The following SGCZ variants were observed in gnomAD, a reference collection of about 807,000 sequenced individuals.
SGCZ encodes the protein zeta-sarcoglycan.
Under a neutral mutation model 41.3 loss-of-function variants are expected in SGCZ, and 40 were observed. That is an observed-to-expected ratio of 0.97 (90% CI 0.75 to 1.26). SGCZ has a LOEUF of 1.26. Among genes scored for constraint, SGCZ ranks in the 50% most tolerant of loss-of-function variants. The probability of loss-of-function intolerance (pLI) is 0.00; values close to 1 mark genes in which losing one functional copy is unlikely to be tolerated. For missense variants in SGCZ, 552 were observed against 369.8 expected (o/e 1.49, Z -4.04); for synonymous variants, 206 against 137.5 (o/e 1.50, Z -3.49).
chr8:14,238,208 G>C (rs887153351), intron 3 of SGCZ, among the ~76,000 whole-genome samples: 1 of 152,140 alleles, frequency 6.6e-6, no homozygotes, highest in African/African-American at 2.4e-5. Flanking sequence ...GTCTATCTGG[G>C]ATTTTTTTGT....
chr8:14,612,049 G>A (rs976994333), intron 1 of SGCZ, among the ~76,000 whole-genome samples: 7 of 152,176 alleles, frequency 4.6e-5, no homozygotes, highest in Admixed American at 2.6e-4. Flanking sequence ...TTTAGCATTT[G>A]TCCTTCAAAT....
chr8:15,206,156 T>C (rs547581961), intron 1 of SGCZ, among the ~76,000 whole-genome samples: 18 of 152,068 alleles, frequency 1.2e-4, no homozygotes, highest in Non-Finnish European at 2.5e-4. Flanking sequence ...GCAACAAACC[T>C]TCATATGTAT....
intron 1 of SGCZ, among the ~76,000 whole-genome samples, chr8:14,972,911 T>C (rs1801349281): frequency 6.6e-6 from 1 of 152,224 alleles, no homozygotes; most frequent in Non-Finnish European, 1.5e-5. Flanking sequence ...TATGTATTTA[T>C]TTACACTTAT....
At chr8:14,519,936 C>G (rs1320615279) in intron 2 of SGCZ, among the ~76,000 whole-genome samples, 3 of 151,958 alleles carry the variant, frequency 2.0e-5, no homozygotes, top group African/African-American at 7.2e-5. Context: ...CCAACATAAA[C>G]CATGGTTTAA....
At chr8:15,167,319 A>G (rs746606136) in intron 1 of SGCZ, among the ~76,000 whole-genome samples, 1 of 152,250 alleles carries the variant, frequency 6.6e-6, no homozygotes, top group Non-Finnish European at 1.5e-5. Flanking sequence ...AGAGCCGAGA[A>G]AAGCCTCATG....
chr8:14,116,274 T>G lies in SGCZ; in HGVS notation c.548-8039A>C, dbSNP rs143252355. 5.3e-5 allele frequency among the ~76,000 whole-genome samples: 8 copies of G among 152,242 alleles called. No individual in the cohort carries two copies. In the East Asian group the frequency reaches 1.5e-3, roughly 29 times the overall value. The stretch of plus-strand genomic sequence containing the variant: ...TTATGAGCCTGAGCTGCATAGTTAA[T>G]CTACATAAACTGACATATGAAATTA... On this transcript the variant is annotated intron_variant, in intron 5 of 7. Transcript: ENST00000382080.
intron 1 of SGCZ, among the ~76,000 whole-genome samples, chr8:15,232,139 C>T (rs555300769): frequency 2.2e-3 from 329 of 152,244 alleles, no homozygotes; most frequent in African/African-American, 7.6e-3. Context: ...GGTCATTTTC[C>T]TTAGTAACTT....
chr8:14,669,202 T>TAC (rs1808015740), intron 1 of SGCZ, among the ~76,000 whole-genome samples: 1 of 148,882 alleles, frequency 6.7e-6, no homozygotes, highest in African/African-American at 2.5e-5. Context: ...CAAATATATA[T>TAC]ATATATATAG....
intron 1 of SGCZ, among the ~76,000 whole-genome samples, chr8:14,712,289 G>C (rs1034629247): frequency 6.6e-6 from 1 of 152,174 alleles, no homozygotes; most frequent in African/African-American, 2.4e-5. Flanking sequence ...GGCTGGCGCT[G>C]CCTGGTTGAT....
intron 1 of SGCZ, among the ~76,000 whole-genome samples, chr8:14,895,677 A>G (rs1306980205): frequency 6.6e-6 from 1 of 152,220 alleles, no homozygotes; most frequent in Non-Finnish European, 1.5e-5. Flanking sequence ...TTTAACTTCT[A>G]CTAAAATATT....
intron 1 of SGCZ, among the ~76,000 whole-genome samples, chr8:15,166,015 A>C (rs971513248): frequency 6.6e-6 from 1 of 152,192 alleles, no homozygotes; most frequent in Non-Finnish European, 1.5e-5. Context: ...AAAATAAATA[A>C]TTTATGGAAA....
chr8:15,042,085 G>C (rs1448511416), intron 1 of SGCZ, among the ~76,000 whole-genome samples: 4 of 152,240 alleles, frequency 2.6e-5, no homozygotes, highest in South Asian at 4.1e-4. Context: ...TGTGAGAAAA[G>C]TCATTTGTAT....
chr8:15,193,262 G>A (rs1339776004), intron 1 of SGCZ, among the ~76,000 whole-genome samples: 1 of 152,040 alleles, frequency 6.6e-6, no homozygotes, highest in Non-Finnish European at 1.5e-5. Flanking sequence ...TCAAAAATAT[G>A]GAAAGTTGCT....
intron 1 of SGCZ, among the ~76,000 whole-genome samples, chr8:15,162,222 A>T (rs1176908834): frequency 6.6e-6 from 1 of 151,132 alleles, no homozygotes; most frequent in African/African-American, 2.5e-5. Context: ...AACTCAAGAC[A>T]TACCCATACC....
intron 1 of SGCZ, among the ~76,000 whole-genome samples, chr8:14,660,096 A>G (rs530714301): frequency 6.0e-4 from 92 of 152,204 alleles, no homozygotes; most frequent in Non-Finnish European, 1.1e-3. Flanking sequence ...TTGAAATCAG[A>G]CCTCTAACCT....
intron 1 of SGCZ, among the ~76,000 whole-genome samples, chr8:15,063,236 T>C (rs1349990994): frequency 1.3e-5 from 2 of 152,134 alleles, no homozygotes; most frequent in Admixed American, 1.3e-4. Flanking sequence ...CTATAGTATA[T>C]TAACAATAAA....
intron 2 of SGCZ, among the ~76,000 whole-genome samples, chr8:14,410,669 A>C (rs10105361): frequency 6.6e-6 from 1 of 151,880 alleles, no homozygotes; most frequent in Non-Finnish European, 1.5e-5. Flanking sequence ...TGCAGGCCTT[A>C]AAACCTAGAT....
At chr8:14,732,366 C>G (rs1798889022) in intron 1 of SGCZ, among the ~76,000 whole-genome samples, 1 of 152,130 alleles carries the variant, frequency 6.6e-6, no homozygotes, top group African/African-American at 2.4e-5. Flanking sequence ...CCAACTCTTT[C>G]GTTTCCACTC....
chr8:14,095,699 G>A (rs1265690449), intron 7 of SGCZ, among the ~76,000 whole-genome samples: 1 of 152,108 alleles, frequency 6.6e-6, no homozygotes, highest in Non-Finnish European at 1.5e-5. Flanking sequence ...TGGGTAGTAT[G>A]GCCATTTTCA....
Sources: allele counts gnomAD v4.1 joint callset (sites outside exome capture counted in the v4.1 genomes callset), GRCh38; gene constraint gnomAD v4.1.1; transcripts MANE v1.5; gene names NCBI Gene and HGNC (gene_info 2026-07-23, HGNC 2026-07-21).